Variants in LSMEM2 observed in about 807,000 individuals in gnomAD.
LSMEM2 encodes the protein leucine rich single-pass membrane protein 2.
In LSMEM2, 20 loss-of-function variants were observed where a neutral mutation model predicts 17.3. That is an observed-to-expected ratio of 1.16 (90% confidence interval 0.81 to 1.68). LSMEM2 has a LOEUF of 1.68. LSMEM2 is among the 40% of genes most tolerant of loss of function. LSMEM2 has a pLI of 0.00. For missense variants in LSMEM2, 207 were observed against 214.3 expected, an observed-to-expected ratio of 0.97 and a Z score of 0.21; for synonymous variants, 94 against 97.8, an observed-to-expected ratio of 0.96 and a Z score of 0.23.
At chr3:50,280,158 C>T (rs1207351218) in intron 1 of LSMEM2, among the ~76,000 whole-genome samples, 1 of 143,584 alleles carries the variant, frequency 7.0e-6, no homozygotes, top group African/African-American at 2.6e-5. Flanking sequence ...CAGGGGTGAG[C>T]CACCGCGCCT....
rs782068153 is a variant in LSMEM2 at position 50,286,689 on chromosome 3, CCTAT to C, written c.192_195del (p.Tyr64Ter). On this transcript the variant is annotated frameshift_variant, in exon 3 of 4. Coordinates refer to ENST00000316436, the MANE Select transcript of LSMEM2 (RefSeq NM_153215.3). LOFTEE classifies it high-confidence loss of function. The stretch of plus-strand genomic sequence containing the variant: ...ATCCACCCAGCAGGCACACTGCGCC[CCTAT>C]CTAACTGAAGAGGCACGACCGTGGG... The C allele has an allele frequency of 1.6e-5, 26 of 1,613,892 alleles. No individual in the cohort carries two copies. Among genetic ancestry groups the C allele is most frequent in the African/African-American group, 9.3e-5 (7 of 74,946 alleles).
intron 1 of LSMEM2, among the ~76,000 whole-genome samples, chr3:50,282,913 A>G (rs1701432822): frequency 1.3e-5 from 2 of 152,042 alleles, no homozygotes; most frequent in Non-Finnish European, 2.9e-5. Flanking sequence ...AAGGCCAGGC[A>G]TGGTGGCTCA....
Position 50,287,269 on chromosome 3 carries a change from C to A in LSMEM2, c.*67C>A. 1.3e-6 allele frequency: 2 copies of A among 1,569,028 alleles called. No homozygotes were observed. The highest frequency in any genetic ancestry group is 1.7e-6 in the Non-Finnish European group (2 of 1,147,170). On this transcript the variant is annotated 3_prime_UTR_variant, in exon 4 of 4. Coordinates refer to ENST00000316436, the MANE Select transcript of LSMEM2 (RefSeq NM_153215.3). The stretch of plus-strand genomic sequence containing the variant: ...GGGAATAAAGTGGCTATGGGCAGGT[C>A]TCTCCTTCCCTACTGCTGGCTGCCA...
intron 1 of LSMEM2, 106 bp from the exon 2 acceptor site, chr3:50,286,365 G>A (rs1407440199): frequency 6.9e-7 from 1 of 1,447,244 alleles, no homozygotes; most frequent in African/African-American, 1.4e-5. Context: ...GGAACCAAAT[G>A]TCCCACTATC....
intron 1 of LSMEM2, among the ~76,000 whole-genome samples, chr3:50,283,563 C>T (rs1196995993): frequency 1.4e-5 from 2 of 145,490 alleles, no homozygotes; most frequent in African/African-American, 5.1e-5. Context: ...GGAGGCGGAG[C>T]TTGCAGTGAG....
At chr3:50,278,337 TG>T (rs1701320997), upstream of LSMEM2, among the ~76,000 whole-genome samples, 1 of 152,214 alleles carries the variant, frequency 6.6e-6, no homozygotes, top group Non-Finnish European at 1.5e-5. Context: ...CACAACCTTA[TG>T]GGACCTGTCT....
At chr3:50,283,377 C>G (rs1341225944) in intron 1 of LSMEM2, among the ~76,000 whole-genome samples, 1 of 151,960 alleles carries the variant, frequency 6.6e-6, no homozygotes, top group Non-Finnish European at 1.5e-5. Flanking sequence ...CCTGTAATCC[C>G]AGAACTTTGG....
chr3:50,286,831 A>G lies in LSMEM2; in HGVS notation c.330A>G (p.Leu110=), dbSNP rs1553708604. 1.2e-6 allele frequency: 2 copies of G among 1,613,910 alleles called. No individual in the cohort carries two copies. Among genetic ancestry groups the G allele is most frequent in the Non-Finnish European group, 1.7e-6 (2 of 1,180,026 alleles). Residue 110 remains leucine, a synonymous_variant, in exon 3 of 4, where the codon CTA becomes CTG. Coordinates refer to ENST00000316436, the MANE Select transcript of LSMEM2 (RefSeq NM_153215.3). ...TCGCGCTGCTGGTGCTCACTTGCCTAGTGCTCGCACTCCTGGCTGTCTACC... is the reference window on the plus strand; with the variant it reads ...TCGCGCTGCTGGTGCTCACTTGCCTGGTGCTCGCACTCCTGGCTGTCTACC... ...LLLALLVLTC[L]VLALLAVYLS...
At chr3:50,284,722 GA>G (rs1701476798) in intron 1 of LSMEM2, among the ~76,000 whole-genome samples, 1 of 152,042 alleles carries the variant, frequency 6.6e-6, no homozygotes, top group Admixed American at 6.6e-5. Flanking sequence ...GAAAGAGTAA[GA>G]ATCTGTCTCA....
In LSMEM2 at chr3:50,288,078, T is replaced by C. The variant is rs1701590321; in HGVS notation, c.*876T>C. The C allele has an allele frequency of 9.7e-7, 1 of 1,031,084 alleles. No homozygotes were observed. The highest frequency in any genetic ancestry group is 2.1e-5 in the Admixed American group (1 of 47,796). The allele number at this position is 1,031,084 out of a possible 1,614,324, so 63.9% of individuals were successfully genotyped here. ...CCCACCCCATGTCTGTTTTTGGTTT[T>C]GTCATTAAAAAAAATAAAGTGACAA... On this transcript the variant is annotated 3_prime_UTR_variant, in exon 4 of 4. Transcript: ENST00000316436.
chr3:50,287,239 G>T lies in LSMEM2; in HGVS notation c.*37G>T, dbSNP rs1701572112. Reference sequence around the variant, plus strand: ...GATCTGGGGCCTGGGGGTGTGTGTTGGTGGGGGAATAAAGTGGCTATGGGC... The same window carrying T: ...GATCTGGGGCCTGGGGGTGTGTGTTTGTGGGGGAATAAAGTGGCTATGGGC... On this transcript the variant is annotated 3_prime_UTR_variant, in exon 4 of 4. Coordinates refer to ENST00000316436, the MANE Select transcript of LSMEM2 (RefSeq NM_153215.3). 2 of 1,609,670 alleles carry T rather than the reference G, an allele frequency of 1.2e-6. No homozygotes were observed. The highest frequency in any genetic ancestry group is 2.3e-5 in the East Asian group (1 of 43,684).
At chr3:50,284,568 A>G (rs1474285715) in intron 1 of LSMEM2, among the ~76,000 whole-genome samples, 1 of 152,010 alleles carries the variant, frequency 6.6e-6, no homozygotes, top group African/African-American at 2.4e-5. Context: ...TGTCTCTACA[A>G]AAAATACAAA....
At chr3:50,286,032 A>G (rs1553708362) in intron 1 of LSMEM2, among the ~76,000 whole-genome samples, 1 of 152,254 alleles carries the variant, frequency 6.6e-6, no homozygotes, top group Non-Finnish European at 1.5e-5. Flanking sequence ...TATGTTAACA[A>G]ACACAGAACC....
intron 1 of LSMEM2, among the ~76,000 whole-genome samples, chr3:50,286,057 A>C (rs1209549443): frequency 2.0e-5 from 3 of 152,270 alleles, no homozygotes; most frequent in Non-Finnish European, 4.4e-5. Flanking sequence ...CCAGGAGGGA[A>C]AGGCACCAGA....
rs782310720 is a variant in LSMEM2, at chr3:50,279,171, G to A, written c.58G>A (p.Asp20Asn). ...TGCCATGCCTGAGGAGACCCAAGAA[G>A]GTAGGAGAGGGTGACCATGAGGGAG... ...LLAMPEETQE[D>N]SVAPMMPSQR... The change falls in exon 1 of 4, where the codon GAC (aspartate) becomes AAC (asparagine). Residue 20 changes from aspartate (D) to asparagine (N), a missense_variant and splice_region_variant. By Grantham distance (23) the Asp-to-Asn change is conservative. Coordinates refer to ENST00000316436, the MANE Select transcript of LSMEM2 (RefSeq NM_153215.3). 11 of 1,613,980 alleles carry A rather than the reference G, an allele frequency of 6.8e-6. No individual in the cohort carries two copies. The highest frequency in any genetic ancestry group is 6.7e-5 in the Admixed American group (4 of 59,996).
rs1701560658 is a variant in LSMEM2, at chr3:50,286,915, G to A, written c.361+53G>A. 5 of 1,600,998 alleles carry A rather than the reference G, an allele frequency of 3.1e-6. No individual in the cohort carries two copies. The African/African-American group carries it at 5.4e-5, about 17-fold the overall frequency. On this transcript the variant is annotated intron_variant, in intron 3 of 3. Transcript: ENST00000316436. ...ATGGAAAGCAAGGCAGTGGGGACTG[G>A]GAGGCCCTTCTGTGCAGCTGGAAGG...
chr3:50,280,701 C>G (rs1405013980), intron 1 of LSMEM2, among the ~76,000 whole-genome samples: 2 of 151,516 alleles, frequency 1.3e-5, no homozygotes, highest in African/African-American at 4.9e-5. Flanking sequence ...TCACGCCATT[C>G]TCCTGCCTCA....
chr3:50,282,936 C>T (rs1261126902), intron 1 of LSMEM2, among the ~76,000 whole-genome samples: 2 of 152,114 alleles, frequency 1.3e-5, no homozygotes, highest in African/African-American at 4.8e-5. Context: ...CCTGTAATCC[C>T]AGCACTTTGG....
chr3:50,286,816 G>A lies in LSMEM2; in HGVS notation c.315G>A (p.Leu105=), dbSNP rs886491275. ...RGGFLLLLAL[L]VLTCLVLALL... ...GGTTCCTGCTGCTGCTCGCGCTGCT[G>A]GTGCTCACTTGCCTAGTGCTCGCAC... Residue 105 remains leucine (L), a synonymous_variant, in exon 3 of 4, where the codon CTG becomes CTA. Coordinates refer to ENST00000316436, the MANE Select transcript of LSMEM2 (RefSeq NM_153215.3). 8 of 1,613,918 alleles carry A rather than the reference G, an allele frequency of 5.0e-6. No individual in the cohort carries two copies. In the Admixed American group the frequency reaches 1.0e-4, roughly 20 times the overall value.
Sources: gnomAD v4.1 joint callset for allele counts (sites outside exome capture counted in the v4.1 genomes callset) on GRCh38, gnomAD v4.1.1 for gene constraint, MANE v1.5 for transcripts, NCBI Gene and HGNC (gene_info 2026-07-23, HGNC 2026-07-21) for gene names.